Variants in ADAMTS17 observed in about 807,000 individuals in gnomAD.
The protein encoded by ADAMTS17 is A disintegrin and metalloproteinase with thrombospondin motifs 17.
ADAMTS17 carries 113 observed loss-of-function variants against 141.5 expected under a neutral mutation model. The ratio of observed to expected loss-of-function variants is 0.80; its 90% CI spans 0.69 to 0.93. ADAMTS17 has a LOEUF of 0.93. Ranked by LOEUF, ADAMTS17 falls within the 40% of genes least tolerant of loss-of-function variation. The probability of loss-of-function intolerance (pLI) is 0.00; values close to 1 mark genes in which losing one functional copy is unlikely to be tolerated. For missense variants in ADAMTS17, 1,659 were observed against 1,517.9 expected, an observed-to-expected ratio of 1.09 and a Z score of -1.54; for synonymous variants, 768 against 630.6, an observed-to-expected ratio of 1.22 and a Z score of -3.27.
At chr15:100,274,272 G>A (rs2044007075) in intron 4 of ADAMTS17, among the ~76,000 whole-genome samples, 1 of 152,252 alleles carries the variant, frequency 6.6e-6, no homozygotes, top group South Asian at 2.1e-4. Context: ...AGTGGGGATT[G>A]AAATCTCCAA....
chr15:100,137,262 C>G (rs963902286), intron 10 of ADAMTS17, among the ~76,000 whole-genome samples: 2 of 152,138 alleles, frequency 1.3e-5, no homozygotes, highest in African/African-American at 4.8e-5. Context: ...GCAGAAATGA[C>G]AGAGAGAAGA....
chr15:100,242,098 TG>T (rs2042844828), intron 7 of ADAMTS17, among the ~76,000 whole-genome samples: 1 of 152,162 alleles, frequency 6.6e-6, no homozygotes, highest in Admixed American at 6.5e-5. Context: ...CACAGGAGCC[TG>T]GGGGACTGCC....
chr15:100,330,328 C>T (rs2046012368), intron 3 of ADAMTS17, among the ~76,000 whole-genome samples: 1 of 152,178 alleles, frequency 6.6e-6, no homozygotes, highest in Admixed American at 6.5e-5. Context: ...TATCTAAATC[C>T]CCTGGAGGAC....
chr15:99,984,242 T>A (rs1455472194), intron 20 of ADAMTS17, among the ~76,000 whole-genome samples: 2 of 152,144 alleles, frequency 1.3e-5, no homozygotes, highest in Non-Finnish European at 2.9e-5. Context: ...TCCAGAGCTC[T>A]TGGGGACTGA....
intron 18 of ADAMTS17, among the ~76,000 whole-genome samples, chr15:100,032,679 T>C (rs2030295530): frequency 6.6e-6 from 1 of 152,232 alleles, no homozygotes; most frequent in Non-Finnish European, 1.5e-5. Context: ...AAGCAGGCTG[T>C]ACTGTTTTTA....
chr15:100,310,672 G>A (rs912725002), intron 3 of ADAMTS17, among the ~76,000 whole-genome samples: 17 of 152,146 alleles, frequency 1.1e-4, no homozygotes, highest in African/African-American at 4.1e-4. Flanking sequence ...CACCAAAGCC[G>A]ACCACCAGTG....
chr15:100,281,180 C>G (rs769253616), intron 4 of ADAMTS17, 49 bp downstream of exon 4: 7 of 1,597,774 alleles, frequency 4.4e-6, no homozygotes, highest in Non-Finnish European at 5.1e-6. Context: ...GATCTCTCAT[C>G]AAGGAGAAAA....
At chr15:100,204,939 G>A (rs937764367) in intron 7 of ADAMTS17, among the ~76,000 whole-genome samples, 3 of 152,180 alleles carry the variant, frequency 2.0e-5, no homozygotes, top group African/African-American at 7.2e-5. Flanking sequence ...TGTGGACCGG[G>A]AGTCATACAG....
chr15:100,076,274 C>T (rs1388672763), intron 15 of ADAMTS17, among the ~76,000 whole-genome samples: 1 of 152,094 alleles, frequency 6.6e-6, no homozygotes, highest in Non-Finnish European at 1.5e-5. Flanking sequence ...AACTCCTGAC[C>T]TCAGGTGATC....
At chr15:100,051,260 C>T (rs530322820) in intron 17 of ADAMTS17, among the ~76,000 whole-genome samples, 1 of 152,154 alleles carries the variant, frequency 6.6e-6, no homozygotes, top group Admixed American at 6.5e-5. Flanking sequence ...AAGGTCTATT[C>T]TGTTTATTCC....
intron 3 of ADAMTS17, among the ~76,000 whole-genome samples, chr15:100,302,936 T>C (rs2045093071): frequency 2.0e-5 from 3 of 152,036 alleles, no homozygotes; most frequent in African/African-American, 7.2e-5. Flanking sequence ...CCTCCCAGCC[T>C]ACATTTTTTC....
intron 7 of ADAMTS17, among the ~76,000 whole-genome samples, chr15:100,239,792 T>G (rs918475958): frequency 6.6e-6 from 1 of 152,130 alleles, no homozygotes; most frequent in Admixed American, 6.5e-5. Flanking sequence ...TGCAGTTGAT[T>G]TGACGAAGAA....
rs1408870987 is a variant in ADAMTS17 at position 100,190,274 on chromosome 15, G to C, written c.1181+9044C>G. Among the ~76,000 whole-genome samples, 4 of 152,212 alleles carry C rather than the reference G, an allele frequency of 2.6e-5. No individual in the cohort carries two copies. In the East Asian group the frequency reaches 7.7e-4, roughly 29 times the overall value. Reference sequence around the variant, plus strand: ...TCTGCTCTGATGTCAGGAACAAAGTGCATGATTCCGTGGCTCTCCCAGACC... The same window carrying C: ...TCTGCTCTGATGTCAGGAACAAAGTCCATGATTCCGTGGCTCTCCCAGACC... On this transcript the variant is annotated intron_variant, in intron 8 of 21. Transcript: ENST00000268070.
rs370504844 is a variant in ADAMTS17, at chr15:99,998,472, T to C, written c.2592-883A>G. ...ACACAAAATTATCCAGGCGTGGTGG[T>C]GCACGCCTGTAGTCCCAGCTACTCA... On this transcript the variant is annotated intron_variant, in intron 18 of 21. Transcript: ENST00000268070. 2.6e-5 allele frequency among the ~76,000 whole-genome samples: 4 copies of C among 152,138 alleles called. No homozygotes were observed. In the East Asian group the frequency reaches 7.7e-4, roughly 29 times the overall value.
At chr15:100,004,601 G>T (rs1299602745) in intron 18 of ADAMTS17, among the ~76,000 whole-genome samples, 1 of 149,158 alleles carries the variant, frequency 6.7e-6, no homozygotes, top group Non-Finnish European at 1.5e-5. Context: ...CTTCTTAAAA[G>T]CATGATACTG....
In ADAMTS17 at chr15:99,974,515, G is replaced by A. The variant is rs201387097; in HGVS notation, c.3175C>T (p.Arg1059Trp). ...CAGAGGTTCTTTTCTCGGATGACCC[G>A]GCAATATACCGTCCACTGGTCTCGT... ...CTRDQWTVYC[R>W]VIREKNLCQD... is the part of the protein sequence containing the mutation. Residue 1059 changes from arginine to tryptophan, a missense_variant, in exon 22 of 22, where the codon CGG becomes TGG. Transcript: ENST00000268070. 59 of 1,614,122 alleles carry A rather than the reference G, an allele frequency of 3.7e-5. No homozygotes were observed. The highest frequency in any genetic ancestry group is 1.6e-4 in the Middle Eastern group (1 of 6,084).
chr15:100,230,798 C>A (rs1295688482), intron 7 of ADAMTS17, among the ~76,000 whole-genome samples: 2 of 81,428 alleles, frequency 2.5e-5, no homozygotes, highest in Admixed American at 2.3e-4. Context: ...TAAACACACA[C>A]ACACCTAGCT....
chr15:100,118,079 T>C (rs891832141), intron 12 of ADAMTS17, among the ~76,000 whole-genome samples: 2 of 152,182 alleles, frequency 1.3e-5, no homozygotes, highest in African/African-American at 4.8e-5. Flanking sequence ...GCAGAAGCCT[T>C]TGGGCTTTTG....
intron 15 of ADAMTS17, among the ~76,000 whole-genome samples, chr15:100,071,266 A>G (rs900059233): frequency 5.3e-5 from 8 of 150,192 alleles, no homozygotes; most frequent in South Asian, 2.1e-4. Context: ...TATCAACCAA[A>G]AAAAGTCCAG....
Sources: gnomAD v4.1 joint callset for allele counts (sites outside exome capture counted in the v4.1 genomes callset) on GRCh38, gnomAD v4.1.1 for gene constraint, MANE v1.5 for transcripts, NCBI Gene and HGNC (gene_info 2026-07-23, HGNC 2026-07-21) for gene names.